FBXO33: variants seen among roughly 807,000 people sequenced by gnomAD.
FBXO33 encodes the protein F-box only protein 33.
In FBXO33, 22 loss-of-function variants were observed where a neutral mutation model predicts 46.3. That is an observed-to-expected ratio of 0.48 (90% confidence interval 0.34 to 0.68). FBXO33 has a LOEUF of 0.68. FBXO33 is among the 30% of genes least tolerant of loss of function. FBXO33 has a pLI of 0.01. For missense variants in FBXO33, 692 were observed against 708.8 expected (o/e 0.98, Z 0.27); for synonymous variants, 337 against 291.3 (o/e 1.16, Z -1.60).
intron 1 of FBXO33, among the ~76,000 whole-genome samples, chr14:39,425,984 CA>C (rs1875053074): frequency 6.6e-6 from 1 of 152,088 alleles, no homozygotes; most frequent in African/African-American, 2.4e-5. Context: ...AGTTATTTCC[CA>C]GAACTTACAA....
intron 1 of FBXO33, among the ~76,000 whole-genome samples, chr14:39,421,309 T>G (rs1452716136): frequency 6.6e-6 from 1 of 152,214 alleles, no homozygotes; most frequent in African/African-American, 2.4e-5. Flanking sequence ...TTCCCTTTTT[T>G]TGTTCACCTT....
intron 1 of FBXO33, among the ~76,000 whole-genome samples, chr14:39,425,152 T>C (rs34649642): frequency 0.27 from 40,846 of 152,158 alleles, 5,729 homozygotes; most frequent in East Asian, 0.51. Flanking sequence ...CAATTTTTTA[T>C]TGTCTTATTA....
At chr14:39,412,601 C>A (rs769695755) in intron 1 of FBXO33, among the ~76,000 whole-genome samples, 1 of 148,198 alleles carries the variant, frequency 6.7e-6, no homozygotes, top group Non-Finnish European at 1.5e-5. Context: ...TAGTTTTTTT[C>A]ATTCCTTTCT....
chr14:39,417,998 T>G (rs1420128475), intron 1 of FBXO33, among the ~76,000 whole-genome samples: 1 of 152,140 alleles, frequency 6.6e-6, no homozygotes, highest in East Asian at 1.9e-4. Context: ...TGTAGAAGGA[T>G]GCATCACATT....
intron 1 of FBXO33, among the ~76,000 whole-genome samples, chr14:39,412,987 G>C (rs2075430839): frequency 6.6e-6 from 1 of 152,274 alleles, no homozygotes; most frequent in South Asian, 2.1e-4. Context: ...TGATCAGGGT[G>C]ATAGCTGAAG....
At chr14:39,400,779 A>G (rs1456598162) in intron 3 of FBXO33, among the ~76,000 whole-genome samples, 39 of 152,220 alleles carry the variant, frequency 2.6e-4, no homozygotes, top group Admixed American at 2.6e-3. Flanking sequence ...ATACTTTGAT[A>G]CCAAGAATCT....
In FBXO33 at chr14:39,401,858, A is replaced by C. The variant is rs1331874043; in HGVS notation, c.714T>G (p.Ile238Met). 2 of 1,607,518 alleles carry C rather than the reference A, an allele frequency of 1.2e-6. No individual in the cohort carries two copies. Among genetic ancestry groups the C allele is most frequent in the Non-Finnish European group, 1.7e-6 (2 of 1,176,352 alleles). Residue 238 changes from isoleucine (I) to methionine (M), a missense_variant, in exon 3 of 4, where the codon ATT becomes ATG. By Grantham distance (10) the Ile-to-Met change is conservative. Transcript: ENST00000298097. ...TCAGGATTTCTTCAAACAGTTGCTG[A>C]ATTCTATAAGGAAAACACATGCCAC... ...VDPDGKKIKQIQQLFEEILSN... is the reference protein window; with the variant it reads ...VDPDGKKIKQMQQLFEEILSN...
intron 1 of FBXO33, among the ~76,000 whole-genome samples, chr14:39,420,647 C>T (rs1006455141): frequency 4.0e-5 from 6 of 151,876 alleles, no homozygotes; most frequent in South Asian, 2.1e-4. Context: ...GCCGAGATTG[C>T]GTCACTGCAC....
intron 1 of FBXO33, among the ~76,000 whole-genome samples, chr14:39,412,067 T>G (rs2075425901): frequency 6.6e-6 from 1 of 152,234 alleles, no homozygotes; most frequent in Admixed American, 6.5e-5. Context: ...ATATGTCTGT[T>G]AGGTCCATTT....
chr14:39,430,840 T>C (rs1171811878), intron 1 of FBXO33, among the ~76,000 whole-genome samples: 1 of 152,132 alleles, frequency 6.6e-6, no homozygotes, highest in Non-Finnish European at 1.5e-5. Flanking sequence ...AGTGAAGTCC[T>C]GATGCAAAAC....
At chr14:39,426,867 A>T (rs1230741327) in intron 1 of FBXO33, among the ~76,000 whole-genome samples, 1 of 152,108 alleles carries the variant, frequency 6.6e-6, no homozygotes, top group Non-Finnish European at 1.5e-5. Flanking sequence ...TTATTTTCAG[A>T]TTTTATTTTC....
Position 39,402,483 on chromosome 14 carries a change from C to G in FBXO33, c.628G>C (p.Asp210His). 1 of 1,540,326 alleles carries G rather than the reference C, an allele frequency of 6.5e-7. No individual in the cohort carries two copies. Among genetic ancestry groups the G allele is most frequent in the Non-Finnish European group, 8.8e-7 (1 of 1,142,220 alleles). Residue 210 changes from aspartate to histidine, a missense_variant, in exon 2 of 4, where the codon GAC becomes CAC. Physicochemically the swap from Asp to His is moderately conservative, Grantham distance 81. Coordinates refer to ENST00000298097, the MANE Select transcript of FBXO33 (RefSeq NM_203301.4). The part of the protein sequence containing the change: ...RNLQKFSLFG[D>H]ISVLQQQGSL... ...CCTTGCTGTTGTAGAACACTTATGT[C>G]TCCAAAAAGACTAAACTTCTGAAGG...
At chr14:39,411,243 C>A (rs1229723508) in intron 1 of FBXO33, among the ~76,000 whole-genome samples, 4 of 151,248 alleles carry the variant, frequency 2.6e-5, no homozygotes, top group Non-Finnish European at 5.9e-5. Context: ...TTACAGGCGA[C>A]CACCACCACA....
In FBXO33 at chr14:39,399,794, A is replaced by T; in HGVS notation, c.1397-7T>A. On this transcript the variant is annotated splice_region_variant and splice_polypyrimidine_tract_variant and intron_variant, in intron 3 of 3. Transcript: ENST00000298097. Reference sequence around the variant, plus strand: ...TGTGCCCACACCGTGTAACCTGAAAAATAAACAAAAGACAACACTGTAATT... The same window carrying T: ...TGTGCCCACACCGTGTAACCTGAAATATAAACAAAAGACAACACTGTAATT... 1 of 1,539,708 alleles carries T rather than the reference A, an allele frequency of 6.5e-7. No homozygotes were observed. The highest frequency in any genetic ancestry group is 8.8e-7 in the Non-Finnish European group (1 of 1,135,296).
In FBXO33 at chr14:39,431,844, G is replaced by A. The variant is rs199708122; in HGVS notation, c.319C>T (p.Leu107=). The part of the protein sequence containing the change: ...HWRECLFYPA[L]WPQLRICLRV... Reference sequence around the variant, plus strand: ...AGGCAGATGCGGAGCTGGGGCCACAGGGCCGGATAGAAGAGGCACTCACGC... The same window carrying A: ...AGGCAGATGCGGAGCTGGGGCCACAAGGCCGGATAGAAGAGGCACTCACGC... Residue 107 remains leucine, a synonymous_variant, in exon 1 of 4, where the codon CTG becomes TTG. Transcript: ENST00000298097. 299 of 1,600,890 alleles carry A rather than the reference G, an allele frequency of 1.9e-4. 1 individual carries two copies. The highest frequency in any genetic ancestry group is 8.5e-5 in the Admixed American group (5 of 58,760).
At chr14:39,408,131 G>A (rs1020018436) in intron 1 of FBXO33, among the ~76,000 whole-genome samples, 1 of 151,978 alleles carries the variant, frequency 6.6e-6, no homozygotes, top group African/African-American at 2.4e-5. Context: ...TTTTAGTAGA[G>A]ACAGGGTTTC....
At chr14:39,424,363 G>GT (rs1462756418) in intron 1 of FBXO33, among the ~76,000 whole-genome samples, 1 of 152,114 alleles carries the variant, frequency 6.6e-6, no homozygotes, top group Admixed American at 6.5e-5. Context: ...TTCACTTAAC[G>GT]TGTTTTCTGT....
intron 1 of FBXO33, among the ~76,000 whole-genome samples, chr14:39,426,989 C>T (rs765659359): frequency 5.3e-5 from 8 of 152,110 alleles, no homozygotes; most frequent in East Asian, 3.8e-4. Context: ...GCACATAGTA[C>T]GCTCTCAATA....
intron 1 of FBXO33, among the ~76,000 whole-genome samples, chr14:39,420,361 A>C (rs2075475327): frequency 6.6e-6 from 1 of 152,234 alleles, no homozygotes; most frequent in African/African-American, 2.4e-5. Flanking sequence ...GTAAAATGGC[A>C]ATGATATCTG....
Sources: gnomAD v4.1 joint callset for allele counts (sites outside exome capture counted in the v4.1 genomes callset) on GRCh38, gnomAD v4.1.1 for gene constraint, MANE v1.5 for transcripts, NCBI Gene and HGNC (gene_info 2026-07-23, HGNC 2026-07-21) for gene names.